MMACHC: variants seen among roughly 807,000 people sequenced by gnomAD.
MMACHC encodes the protein cyanocobalamin reductase / alkylcobalamin dealkylase.
In MMACHC, 14 loss-of-function variants were observed where a neutral mutation model predicts 17.6. The observed-to-expected ratio is 0.80, with a 90% CI of 0.53 to 1.25. The LOEUF is 1.25. Among genes scored for constraint, MMACHC ranks in the 50% most tolerant of loss-of-function variants. MMACHC has a pLI of 0.00. For missense variants in MMACHC, 392 were observed against 364.5 expected (o/e 1.08, Z -0.62); for synonymous variants, 151 against 142.1 (o/e 1.06, Z -0.45).
chr1:45,509,080 G>A lies in MMACHC; in HGVS notation c.714G>A (p.Gln238=). Residue 238 remains glutamine, a synonymous_variant, in exon 4 of 4, where the codon CAG becomes CAA. Transcript: ENST00000401061. The part of the protein sequence containing the change: ...AQRLALLGLA[Q]PSEKPSSPSP... ...GATTGGCCCTATTGGGCTTGGCTCA[G>A]CCCTCAGAGAAGCCTAGTTCTCCCT... is the stretch of plus-strand genomic sequence containing the variant. 1 of 1,613,138 alleles carries A rather than the reference G, an allele frequency of 6.2e-7. No homozygotes were observed. The highest frequency in any genetic ancestry group is 8.5e-7 in the Non-Finnish European group (1 of 1,179,486).
At chr1:45,500,520 G>T (rs1444949927) in intron 1 of MMACHC, 107 bp downstream of exon 1, 2 of 1,066,344 alleles carry the variant, frequency 1.9e-6, no homozygotes, top group African/African-American at 3.1e-5. Context: ...CTGCAGCCCA[G>T]TGTCCATGTG....
At chr1:45,500,982 C>T (rs1643536333) in intron 1 of MMACHC, among the ~76,000 whole-genome samples, 1 of 151,740 alleles carries the variant, frequency 6.6e-6, no homozygotes, top group South Asian at 2.1e-4. Flanking sequence ...CAGATTGTCA[C>T]CTATATAATT....
intron 2 of MMACHC, 59 bp downstream of exon 2, chr1:45,507,609 A>G: frequency 6.3e-7 from 1 of 1,577,166 alleles, no homozygotes; most frequent in African/African-American, 1.3e-5. Context: ...CAGTTCCTCC[A>G]CACTCAATGC....
At position 45,511,084 on chromosome 1, in the gene MMACHC, T is replaced by A. The variant is rs980213392; in HGVS notation, c.*1869T>A. The A allele has an allele frequency of 1.1e-5, 4 of 353,548 alleles. No individual in the cohort carries two copies. Among genetic ancestry groups the A allele is most frequent in the Non-Finnish European group, 2.0e-5 (4 of 197,390 alleles). 21.9% of individuals were successfully genotyped at this position (353,548 alleles called of 1,614,324 possible). On this transcript the variant is annotated 3_prime_UTR_variant, in exon 4 of 4. Transcript: ENST00000401061. ...CAAGTTTAATACAAACTACAAAAGA[T>A]TAATGGGTTGCTCTACTAATACATC... is the stretch of plus-strand genomic sequence containing the variant.
Position 45,508,379 on chromosome 1 carries a change from G to A in MMACHC, c.429+15G>A. On this transcript the variant is annotated intron_variant, in intron 3 of 3. Transcript: ENST00000401061. ...GGGGGAACCAGGTGAGAGGGAAAAT[G>A]TAAATAGAGGCTGAGATAGACTGGT... 1.2e-6 allele frequency: 2 copies of A among 1,614,038 alleles called. No homozygotes were observed. Among genetic ancestry groups the A allele is most frequent in the Non-Finnish European group, 1.7e-6 (2 of 1,179,950 alleles).
At chr1:45,503,730 A>G (rs1394975702) in intron 1 of MMACHC, among the ~76,000 whole-genome samples, 1 of 152,188 alleles carries the variant, frequency 6.6e-6, no homozygotes, top group Non-Finnish European at 1.5e-5. Context: ...ACAATCAAAC[A>G]AGTAATGGTC....
Position 45,509,217 on chromosome 1 carries a change from T to A in MMACHC, c.*2T>A. ...CCACCTGCATCCCCTGGCCCTTGATTTTCTCCCATGTGGACCCTGATTTAT... is the reference window on the plus strand; with the variant it reads ...CCACCTGCATCCCCTGGCCCTTGATATTCTCCCATGTGGACCCTGATTTAT... On this transcript the variant is annotated 3_prime_UTR_variant, in exon 4 of 4. Transcript: ENST00000401061. The A allele has an allele frequency of 6.2e-7, 1 of 1,613,980 alleles. No homozygotes were observed. Among genetic ancestry groups the A allele is most frequent in the Non-Finnish European group, 8.5e-7 (1 of 1,180,014 alleles).
chr1:45,507,636 G>A (rs1643654590), intron 2 of MMACHC, 86 bp downstream of exon 2: 2 of 1,438,638 alleles, frequency 1.4e-6, no homozygotes, highest in Non-Finnish European at 1.9e-6. Flanking sequence ...TAGACCTAGG[G>A]CTAGGAGCCA....
Position 45,510,203 on chromosome 1 carries a change from G to T in MMACHC, c.*988G>T, listed in dbSNP as rs1277950579. The T allele has an allele frequency of 2.0e-5, 3 of 152,204 alleles. No individual in the cohort carries two copies. Among genetic ancestry groups the T allele is most frequent in the Non-Finnish European group, 4.4e-5 (3 of 68,098 alleles). 9.4% of individuals were successfully genotyped at this position (152,204 alleles called of 1,614,324 possible). On this transcript the variant is annotated 3_prime_UTR_variant, in exon 4 of 4. Transcript: ENST00000401061. ...CATTACCAAAGGCCCTGGGAATTCT[G>T]TACTGCTGCTCATGGGTGTAGTCGG...
At chr1:45,506,789 G>A (rs570252739) in intron 1 of MMACHC, among the ~76,000 whole-genome samples, 130 of 152,012 alleles carry the variant, frequency 8.6e-4, no homozygotes, top group Non-Finnish European at 1.1e-3. Context: ...ACCTGGCGGG[G>A]TTTTTCATTT....
chr1:45,506,404 T>C (rs1299114101), intron 1 of MMACHC, among the ~76,000 whole-genome samples: 1 of 152,222 alleles, frequency 6.6e-6, no homozygotes, highest in Non-Finnish European at 1.5e-5. Context: ...ACTGTTCCTA[T>C]GCCCTCATGC....
In MMACHC at chr1:45,508,330, G is replaced by C. The variant is rs369335868; in HGVS notation, c.395G>C (p.Arg132Pro). The C allele has an allele frequency of 2.5e-6, 4 of 1,614,036 alleles. No individual in the cohort carries two copies. In the Admixed American group the frequency reaches 5.0e-5, roughly 20 times the overall value. The change falls in exon 3 of 4, where the codon CGA (arginine) becomes CCA (proline). Residue 132 changes from arginine to proline, a missense_variant. By Grantham distance (103) the Arg-to-Pro change is moderately radical (BLOSUM62 -2). Coordinates refer to ENST00000401061, the MANE Select transcript of MMACHC (RefSeq NM_015506.3). ...GCTGGGGCTGCTTACTACTACCAAC[G>C]ACAAGATGTGGAGGCTGACCCATGG... ...HVAGAAYYYQ[R>P]QDVEADPWGN... is the part of the protein sequence containing the mutation.
At position 45,508,795 on chromosome 1, in the gene MMACHC, G is replaced by A; in HGVS notation, c.430-1G>A. ...CTTGCTTTTCTTCACCCTCTCCCCA[G>A]CGCATATCAGGTGTGTGCATACACC... On this transcript the variant is annotated splice_acceptor_variant, in intron 3 of 3. Coordinates refer to ENST00000401061, the MANE Select transcript of MMACHC (RefSeq NM_015506.3). LOFTEE classifies it high-confidence loss of function. The A allele has an allele frequency of 6.2e-7, 1 of 1,613,602 alleles. No homozygotes were observed. The highest frequency in any genetic ancestry group is 8.5e-7 in the Non-Finnish European group (1 of 1,179,734).
At chr1:45,508,064 C>T in intron 2 of MMACHC, 148 bp from the exon 3 acceptor site, 1 of 945,314 alleles carries the variant, frequency 1.1e-6, no homozygotes, top group Admixed American at 2.0e-5. Context: ...ATAACTATGT[C>T]CACACTGGAG....
Position 45,507,495 on chromosome 1 carries a change from TG to T in MMACHC, c.222del (p.Met74IlefsTer2). On this transcript the variant is annotated frameshift_variant, in exon 2 of 4. Transcript: ENST00000401061. LOFTEE classifies it high-confidence loss of function. ...KPFLQSCHLRMLTDPVDQCVA... is the reference protein window; with the variant it reads ...KPFLQSCHLRXLTDPVDQCVA... ...TTCTTGCAGAGCTGCCACCTCCGAA[TG>T]CTGACTGACCCAGTGGACCAGTGTG... The T allele has an allele frequency of 6.2e-7, 1 of 1,614,144 alleles. No homozygotes were observed. Among genetic ancestry groups the T allele is most frequent in the Admixed American group, 1.7e-5 (1 of 60,002 alleles).
chr1:45,507,673 G>A, intron 2 of MMACHC, 123 bp downstream of exon 2: 2 of 1,138,838 alleles, frequency 1.8e-6, no homozygotes, highest in Non-Finnish European at 2.6e-6. Context: ...ATACCCTAAA[G>A]CCAGGCTTGA....
rs905870875 is a variant in MMACHC, at chr1:45,511,615, T to C, written c.*2400T>C. On this transcript the variant is annotated 3_prime_UTR_variant, in exon 4 of 4. Transcript: ENST00000401061. ...TCATCACCACAGCCTTAAGATACTATCATGCCTAATTTATTCATGTAGCAC... is the reference window on the plus strand; with the variant it reads ...TCATCACCACAGCCTTAAGATACTACCATGCCTAATTTATTCATGTAGCAC... 7.3e-6 allele frequency: 3 copies of C among 410,994 alleles called. No individual in the cohort carries two copies. Among genetic ancestry groups the C allele is most frequent in the Non-Finnish European group, 1.3e-5 (3 of 231,410 alleles). The allele number at this position is 410,994 out of a possible 1,614,324, so 25.5% of individuals were successfully genotyped here. A position where few individuals can be genotyped will look rare whatever the true frequency, so the allele number is the denominator to read the frequency against.
rs768230660 is a variant in MMACHC, at chr1:45,508,797, G to A, written c.431G>A (p.Arg144His). 35 of 1,613,336 alleles carry A rather than the reference G, an allele frequency of 2.2e-5. No individual in the cohort carries two copies. Among genetic ancestry groups the A allele is most frequent in the South Asian group, 5.5e-5 (5 of 91,014 alleles). ...TGCTTTTCTTCACCCTCTCCCCAGC[G>A]CATATCAGGTGTGTGCATACACCCC... ...DVEADPWGNQ[R>H]ISGVCIHPRF... The change falls in exon 4 of 4, where the codon CGC becomes CAC. Residue 144 changes from arginine to histidine, a missense_variant and splice_region_variant. Transcript: ENST00000401061.
Position 45,511,182 on chromosome 1 carries a change from A to AC in MMACHC, c.*1972dup. 1 of 675,014 alleles carries AC rather than the reference A, an allele frequency of 1.5e-6. No individual in the cohort carries two copies. Among genetic ancestry groups the AC allele is most frequent in the Non-Finnish European group, 2.5e-6 (1 of 400,216 alleles). The allele number at this position is 675,014 out of a possible 1,614,324, so 41.8% of individuals were successfully genotyped here. A position where few individuals can be genotyped will look rare whatever the true frequency, so the allele number is the denominator to read the frequency against. On this transcript the variant is annotated 3_prime_UTR_variant, in exon 4 of 4. Coordinates refer to ENST00000401061, the MANE Select transcript of MMACHC (RefSeq NM_015506.3). ...CAAAGGAAGAAAGGCTGGTCTCTCC[A>AC]CCCCCTGTAGGAAAGGCCTGCCTTG...
Sources: gnomAD v4.1 joint callset for allele counts (sites outside exome capture counted in the v4.1 genomes callset) on GRCh38, gnomAD v4.1.1 for gene constraint, MANE v1.5 for transcripts, NCBI Gene and HGNC (gene_info 2026-07-23, HGNC 2026-07-21) for gene names.